Variants in EPHA7 observed in about 807,000 individuals in gnomAD.
EPHA7 encodes the protein ephrin type-A receptor 7.
Under a neutral mutation model 112.6 loss-of-function variants are expected in EPHA7, and 25 were observed. The observed-to-expected ratio is 0.22, with a 90% confidence interval of 0.16 to 0.31. The LOEUF is 0.31. Among genes scored for constraint, EPHA7 ranks in the 10% least tolerant of loss-of-function variants. The pLI, the probability that EPHA7 is intolerant of heterozygous loss-of-function variation, is 1.00. For missense variants in EPHA7, 962 were observed against 1,212.6 expected, an observed-to-expected ratio of 0.79 and a Z score of 3.07; for synonymous variants, 437 against 406.5, an observed-to-expected ratio of 1.07 and a Z score of -0.90.
At position 93,246,999 on chromosome 6, in the gene EPHA7, G is replaced by C; in HGVS notation, c.2533-14C>G. The C allele has an allele frequency of 6.5e-7, 1 of 1,541,876 alleles. No individual in the cohort carries two copies. On this transcript the variant is annotated splice_polypyrimidine_tract_variant and intron_variant, in intron 14 of 16. Coordinates refer to ENST00000369303, the MANE Select transcript of EPHA7 (RefSeq NM_004440.4). ...TGCTTTTATAACCTAATAGCCAAAA[G>C]GACATTACAAATATTACTGATTTAG...
chr6:93,400,519 T>A (rs909230867), intron 3 of EPHA7, among the ~76,000 whole-genome samples: 19 of 152,046 alleles, frequency 1.2e-4, no homozygotes, highest in African/African-American at 4.6e-4. Context: ...GAAAGAATGA[T>A]TCCTGCCCTG....
intron 5 of EPHA7, among the ~76,000 whole-genome samples, chr6:93,336,128 T>A (rs1264005720): frequency 6.6e-6 from 1 of 152,104 alleles, no homozygotes; most frequent in Non-Finnish European, 1.5e-5. Flanking sequence ...AGCCTACTGC[T>A]ACCCTACTAC....
chr6:93,335,987 G>T (rs1774849352), intron 5 of EPHA7, among the ~76,000 whole-genome samples: 1 of 151,918 alleles, frequency 6.6e-6, no homozygotes, highest in Non-Finnish European at 1.5e-5. Flanking sequence ...TACAAGAGAG[G>T]CACAAGTACT....
chr6:93,373,188 T>C (rs1776888292), intron 3 of EPHA7, among the ~76,000 whole-genome samples: 1 of 151,910 alleles, frequency 6.6e-6, no homozygotes, highest in African/African-American at 2.4e-5. Context: ...TAGAAACCAC[T>C]AGTTCTCTTT....
At chr6:93,295,585 T>C (rs1408875443) in intron 5 of EPHA7, among the ~76,000 whole-genome samples, 2 of 151,836 alleles carry the variant, frequency 1.3e-5, no homozygotes, top group Admixed American at 1.3e-4. Context: ...ATTTTTATAG[T>C]CAATTTTATC....
At chr6:93,313,249 A>G (rs1041598058) in intron 5 of EPHA7, among the ~76,000 whole-genome samples, 4 of 152,146 alleles carry the variant, frequency 2.6e-5, no homozygotes, top group African/African-American at 9.7e-5. Context: ...GACTATCTAA[A>G]TATCCTTCAG....
intron 8 of EPHA7, among the ~76,000 whole-genome samples, chr6:93,264,348 G>GA (rs1449649973): frequency 2.0e-5 from 3 of 151,392 alleles, no homozygotes; most frequent in Non-Finnish European, 4.4e-5. Context: ...ACTTAACTCT[G>GA]AAAATAAGCA....
Position 93,255,347 on chromosome 6 carries a change from T to TCAACAACAACAA in EPHA7, c.2382+469_2382+480dup, listed in dbSNP as rs34956295. Reference sequence around the variant, plus strand: ...TGGACAACAAGAACAAAACTCCATCTCAACAACAACAACAACAACAACAGC... The same window carrying TCAACAACAACAA: ...TGGACAACAAGAACAAAACTCCATCTCAACAACAACAACAACAACAACAACAACAACAACAGC... On this transcript the variant is annotated intron_variant, in intron 13 of 16. Transcript: ENST00000369303. Among the ~76,000 whole-genome samples, 3 of 150,414 alleles carry TCAACAACAACAA rather than the reference T, an allele frequency of 2.0e-5. No individual in the cohort carries two copies. The East Asian group carries it at 5.9e-4, about 30-fold the overall frequency.
chr6:93,327,152 C>T (rs1412444281), intron 5 of EPHA7, among the ~76,000 whole-genome samples: 3 of 151,594 alleles, frequency 2.0e-5, no homozygotes, highest in Non-Finnish European at 3.0e-5. Flanking sequence ...GGCCACTAGA[C>T]TCATACTGAA....
At chr6:93,311,087 C>CTACAGGCA (rs1475829688) in intron 5 of EPHA7, among the ~76,000 whole-genome samples, 1 of 143,340 alleles carries the variant, frequency 7.0e-6, no homozygotes, top group African/African-American at 2.6e-5. Context: ...GTGGTTGGGA[C>CTACAGGCA]TACAGGCATG....
intron 5 of EPHA7, among the ~76,000 whole-genome samples, chr6:93,295,493 A>C (rs1383142480): frequency 2.6e-5 from 4 of 151,332 alleles, no homozygotes; most frequent in Non-Finnish European, 5.9e-5. Flanking sequence ...AATATATAAT[A>C]GATATTTCTT....
chr6:93,347,856 A>T (rs753761085), intron 5 of EPHA7, among the ~76,000 whole-genome samples: 1 of 151,896 alleles, frequency 6.6e-6, no homozygotes, highest in Admixed American at 6.6e-5. Flanking sequence ...TCACAGCAGT[A>T]GAATAACTGG....
At chr6:93,369,378 T>G (rs1259353082) in intron 3 of EPHA7, among the ~76,000 whole-genome samples, 1 of 152,212 alleles carries the variant, frequency 6.6e-6, no homozygotes, top group East Asian at 1.9e-4. Context: ...TCCATTATCC[T>G]ACTAACTTTG....
rs760438841 is a variant in EPHA7 at position 93,263,849 on chromosome 6, CA to C, written c.1798+10del. 1.2e-6 allele frequency: 2 copies of C among 1,607,736 alleles called. No homozygotes were observed. Among genetic ancestry groups the C allele is most frequent in the Non-Finnish European group, 1.7e-6 (2 of 1,176,052 alleles). On this transcript the variant is annotated intron_variant, in intron 9 of 16. Transcript: ENST00000369303. ...GGGGTACATCATAATAAAGAAAAGC[CA>C]AACACTTACAATGAAAGTAAAGCTC...
intron 5 of EPHA7, among the ~76,000 whole-genome samples, chr6:93,325,484 T>C (rs1399611380): frequency 6.6e-6 from 1 of 151,340 alleles, no homozygotes; most frequent in Non-Finnish European, 1.5e-5. Flanking sequence ...AATTGTAAGC[T>C]TTGTTTAAAA....
intron 7 of EPHA7, among the ~76,000 whole-genome samples, chr6:93,266,163 ACTT>A (rs760076725): frequency 2.0e-5 from 3 of 151,786 alleles, no homozygotes; most frequent in Non-Finnish European, 4.4e-5. Context: ...AGAAAAGATG[ACTT>A]CAAGTCTTTT....
At chr6:93,291,266 A>C (rs345711) in intron 5 of EPHA7, among the ~76,000 whole-genome samples, 3,869 of 152,310 alleles carry the variant, frequency 0.025, 148 homozygotes, top group African/African-American at 0.088. Context: ...GTACTTACTA[A>C]AATTTTATTT....
intron 3 of EPHA7, among the ~76,000 whole-genome samples, chr6:93,387,133 C>T (rs1361110413): frequency 1.3e-5 from 2 of 152,092 alleles, no homozygotes; most frequent in Admixed American, 6.6e-5. Context: ...CACTAGGCTG[C>T]AAATTTTCCA....
intron 5 of EPHA7, among the ~76,000 whole-genome samples, chr6:93,349,572 T>C (rs1478820751): frequency 6.6e-6 from 1 of 151,956 alleles, no homozygotes; most frequent in Non-Finnish European, 1.5e-5. Flanking sequence ...GTTTTTTGCA[T>C]TTATATATTT....
Sources: gnomAD v4.1 joint callset for allele counts (sites outside exome capture counted in the v4.1 genomes callset) on GRCh38, gnomAD v4.1.1 for gene constraint, MANE v1.5 for transcripts, NCBI Gene and HGNC (gene_info 2026-07-23, HGNC 2026-07-21) for gene names.